DCDC2: variants seen among roughly 807,000 people sequenced by gnomAD.
DCDC2 encodes the protein doublecortin domain containing 2.
A neutral mutation model predicts 50.2 loss-of-function variants in DCDC2; 40 were observed. That is an observed-to-expected ratio of 0.80 (90% CI 0.62 to 1.04). DCDC2 has a LOEUF of 1.04. DCDC2 is among the 50% of genes least tolerant of loss of function. DCDC2 has a pLI of 0.00. For synonymous variants in DCDC2, 234 were observed against 210.6 expected (o/e 1.11, Z -0.96); for missense variants, 570 against 581.9 (o/e 0.98, Z 0.21).
At chr6:24,329,946 C>T (rs1487927745) in intron 2 of DCDC2, among the ~76,000 whole-genome samples, 1 of 152,098 alleles carries the variant, frequency 6.6e-6, no homozygotes, top group African/African-American at 2.4e-5. Context: ...AAGCAAGTCT[C>T]TTACACTTTC....
Position 24,301,862 on chromosome 6 carries a change from C to CA in DCDC2, c.426-17dup, listed in dbSNP as rs1389581648. 2 of 1,614,042 alleles carry CA rather than the reference C, an allele frequency of 1.2e-6. No individual in the cohort carries two copies. Among genetic ancestry groups the CA allele is most frequent in the Non-Finnish European group, 1.7e-6 (2 of 1,179,984 alleles). On this transcript the variant is annotated splice_polypyrimidine_tract_variant and intron_variant, in intron 3 of 9. Transcript: ENST00000378454. ...TGCAATCAAGCTGGAAAACAGGGGGCAAACCTTCTGAAACAGTTATGCCTT... is the reference window on the plus strand; with the variant it reads ...TGCAATCAAGCTGGAAAACAGGGGGCAAAACCTTCTGAAACAGTTATGCCTT...
intron 9 of DCDC2, among the ~76,000 whole-genome samples, chr6:24,177,148 C>T (rs1216724573): frequency 6.6e-6 from 1 of 152,118 alleles, no homozygotes; most frequent in Non-Finnish European, 1.5e-5. Flanking sequence ...TTGTATGAAA[C>T]CTACTATTAC....
chr6:24,208,578 T>C (rs2082660295), intron 7 of DCDC2, among the ~76,000 whole-genome samples: 1 of 151,798 alleles, frequency 6.6e-6, no homozygotes, highest in South Asian at 2.1e-4. Flanking sequence ...TCCATGGTGG[T>C]TAGGCTGGTC....
intron 8 of DCDC2, among the ~76,000 whole-genome samples, chr6:24,186,084 A>T (rs1218937260): frequency 6.6e-6 from 1 of 152,226 alleles, no homozygotes; most frequent in African/African-American, 2.4e-5. Context: ...ACCATCCAAT[A>T]GCTTTTTGTT....
chr6:24,258,168 G>A (rs1762932956), intron 7 of DCDC2, among the ~76,000 whole-genome samples: 1 of 152,156 alleles, frequency 6.6e-6, no homozygotes, highest in Non-Finnish European at 1.5e-5. Flanking sequence ...TAAAGGTGGT[G>A]CGGACCCAAA....
intron 2 of DCDC2, among the ~76,000 whole-genome samples, chr6:24,351,920 A>G (rs1760379652): frequency 1.3e-5 from 2 of 152,170 alleles, no homozygotes; most frequent in Admixed American, 6.5e-5. Context: ...CCTGACCAAC[A>G]TGCTGAAACC....
At chr6:24,195,646 C>G (rs1455949330) in intron 8 of DCDC2, among the ~76,000 whole-genome samples, 1 of 152,146 alleles carries the variant, frequency 6.6e-6, no homozygotes. Flanking sequence ...TTAGGAGCAG[C>G]CCTGGCCACC....
chr6:24,183,147 G>T (rs1356152633), intron 8 of DCDC2, among the ~76,000 whole-genome samples: 1 of 152,154 alleles, frequency 6.6e-6, no homozygotes, highest in Non-Finnish European at 1.5e-5. Context: ...GGGCGAAATG[G>T]GGAGTTCTTG....
upstream of DCDC2, among the ~76,000 whole-genome samples, chr6:24,359,335 T>TTATATATTTTATATATTTTATA (rs1760598470): frequency 1.5e-5 from 1 of 65,274 alleles, no homozygotes; most frequent in African/African-American, 7.7e-5. Flanking sequence ...TTTATATATA[T>TTATATATTTTATATATTTTATA]TATATATTAT....
intron 4 of DCDC2, among the ~76,000 whole-genome samples, chr6:24,294,628 G>A (rs1285658283): frequency 6.6e-6 from 1 of 152,032 alleles, no homozygotes; most frequent in Non-Finnish European, 1.5e-5. Flanking sequence ...AATTAGGAAC[G>A]ACAAATGGGA....
At chr6:24,273,778 G>A (rs1763291822) in intron 7 of DCDC2, among the ~76,000 whole-genome samples, 1 of 152,186 alleles carries the variant, frequency 6.6e-6, no homozygotes, top group East Asian at 1.9e-4. Context: ...TCATGCTTGG[G>A]GCGATGCAGG....
chr6:24,199,869 G>A (rs544518791), intron 8 of DCDC2, among the ~76,000 whole-genome samples: 6 of 152,168 alleles, frequency 3.9e-5, no homozygotes, highest in East Asian at 1.9e-4. Context: ...TGAAACATAC[G>A]CAAGTATCAA....
At chr6:24,288,219 A>G (rs1763656835) in intron 6 of DCDC2, among the ~76,000 whole-genome samples, 1 of 152,242 alleles carries the variant, frequency 6.6e-6, no homozygotes, top group Non-Finnish European at 1.5e-5. Context: ...GGGAAGAAAG[A>G]GAAGCCTCAG....
rs1433050754 is a variant in DCDC2 at position 24,207,267 on chromosome 6, T to TCTCTCA, written c.923-2166_923-2165insTGAGAG. Among the ~76,000 whole-genome samples the TCTCTCA allele has an allele frequency of 6.6e-5, 10 of 150,628 alleles. No homozygotes were observed. The East Asian group carries it at 1.9e-3, about 29-fold the overall frequency. On this transcript the variant is annotated intron_variant, in intron 7 of 9. Transcript: ENST00000378454. ...CACTCCATCTATCTTTCTCTCTCTCTCTCTCTCTCTCTCTCTCTCTCAGAC... is the reference window on the plus strand; with the variant it reads ...CACTCCATCTATCTTTCTCTCTCTCTCTCTCACTCTCTCTCTCTCTCTCTCTCAGAC...
intron 6 of DCDC2, 83 bp from the exon 7 acceptor site, chr6:24,278,294 G>A: frequency 1.5e-6 from 2 of 1,292,862 alleles, no homozygotes; most frequent in Non-Finnish European, 2.1e-6. Flanking sequence ...ATTAACTACT[G>A]GTAAGCAGGG....
Position 24,301,835 on chromosome 6 carries a change from T to C in DCDC2, c.437A>G (p.Asn146Ser), listed in dbSNP as rs1759382055. ...QEPCTIFLIA[N>S]GDLINPASRL... ...AGAAGCTGGGTTTATGAGGTCTCCATTTGCAATCAAGCTGGAAAACAGGGG... is the reference window on the plus strand; with the variant it reads ...AGAAGCTGGGTTTATGAGGTCTCCACTTGCAATCAAGCTGGAAAACAGGGG... Residue 146 changes from asparagine (N) to serine (S), a missense_variant, in exon 4 of 10, where the codon AAT (asparagine) becomes AGT (serine). Asn to Ser is a conservative substitution (Grantham distance 46). Transcript: ENST00000378454. 1 of 1,614,158 alleles carries C rather than the reference T, an allele frequency of 6.2e-7. No homozygotes were observed. The highest frequency in any genetic ancestry group is 8.5e-7 in the Non-Finnish European group (1 of 1,180,038).
chr6:24,231,543 G>C (rs1329507263), intron 7 of DCDC2, among the ~76,000 whole-genome samples: 2 of 152,022 alleles, frequency 1.3e-5, no homozygotes, highest in African/African-American at 4.8e-5. Context: ...GTTGTGTTGG[G>C]ACAAAGAACA....
chr6:24,276,799 C>T (rs1763368257), intron 7 of DCDC2, among the ~76,000 whole-genome samples: 1 of 150,792 alleles, frequency 6.6e-6, no homozygotes, highest in African/African-American at 2.4e-5. Flanking sequence ...TCAAGATAAT[C>T]AAAACTTTAA....
At chr6:24,352,983 G>C (rs542968083) in intron 2 of DCDC2, among the ~76,000 whole-genome samples, 2 of 152,110 alleles carry the variant, frequency 1.3e-5, no homozygotes, top group Non-Finnish European at 2.9e-5. Flanking sequence ...ACTCCACCAG[G>C]GTTTCAGAAG....
Sources: gnomAD v4.1 joint callset for allele counts (sites outside exome capture counted in the v4.1 genomes callset) on GRCh38, gnomAD v4.1.1 for gene constraint, MANE v1.5 for transcripts, NCBI Gene and HGNC (gene_info 2026-07-23, HGNC 2026-07-21) for gene names.